Variants in PMM2 observed in about 807,000 individuals in gnomAD.
The protein encoded by PMM2 is phosphomannomutase 2.
PMM2 carries 35 observed loss-of-function variants against 33.2 expected under a neutral mutation model. The ratio of observed to expected loss-of-function variants is 1.06; its 90% CI spans 0.81 to 1.40. The LOEUF (loss-of-function observed/expected upper bound fraction) is 1.40. Among genes scored for constraint, PMM2 ranks in the 40% most tolerant of loss-of-function variants. The pLI, the probability that PMM2 is intolerant of heterozygous loss-of-function variation, is 0.00. For missense variants in PMM2, 386 were observed against 306.0 expected (o/e 1.26, Z -1.95); for synonymous variants, 153 against 114.7 (o/e 1.33, Z -2.13).
At chr16:8,819,365 A>G (rs2060724494) in intron 7 of PMM2, among the ~76,000 whole-genome samples, 1 of 152,158 alleles carries the variant, frequency 6.6e-6, no homozygotes, top group Admixed American at 6.6e-5. Flanking sequence ...GGGCAAAGGA[A>G]TTTCTCTTTT....
At chr16:8,823,516 A>C (rs2060749806) in intron 7 of PMM2, among the ~76,000 whole-genome samples, 1 of 152,210 alleles carries the variant, frequency 6.6e-6, no homozygotes, top group Non-Finnish European at 1.5e-5. Context: ...GTTTACTTGC[A>C]AAATAAGTCA....
intron 2 of PMM2, chr16:8,802,281 C>A (rs562848817): frequency 3.2e-4 from 148 of 455,668 alleles, no homozygotes; most frequent in Non-Finnish European, 4.2e-4. Flanking sequence ...CTCCCCATCA[C>A]TGAAACAGAA....
intron 7 of PMM2, among the ~76,000 whole-genome samples, chr16:8,840,642 G>A (rs1227644792): frequency 2.0e-5 from 3 of 152,054 alleles, no homozygotes; most frequent in African/African-American, 7.2e-5. Flanking sequence ...GGGAAGTAGG[G>A]GAGAGTACTT....
At position 8,836,471 on chromosome 16, in the gene PMM2, G is replaced by A. The variant is rs1195739292; in HGVS notation, c.640-11253G>A. Among the ~76,000 whole-genome samples the A allele has an allele frequency of 9.2e-5, 14 of 152,122 alleles. No homozygotes were observed. The South Asian group carries it at 1.9e-3, about 20-fold the overall frequency. On this transcript the variant is annotated intron_variant, in intron 7 of 7. Coordinates refer to ENST00000268261, the MANE Select transcript of PMM2 (RefSeq NM_000303.3). ...GGCCCAGTGGCCAGATTTCCAGCACGTGTAGCAAGCTCCTGGGGGAGGAGG... is the reference window on the plus strand; with the variant it reads ...GGCCCAGTGGCCAGATTTCCAGCACATGTAGCAAGCTCCTGGGGGAGGAGG...
At chr16:8,816,918 T>C (rs1325139663) in intron 7 of PMM2, among the ~76,000 whole-genome samples, 1 of 152,014 alleles carries the variant, frequency 6.6e-6, no homozygotes, top group Non-Finnish European at 1.5e-5. Context: ...CCAAAATAAT[T>C]GAAATCAGGA....
At chr16:8,801,933 C>T (rs781644141) in intron 2 of PMM2, 23 bp downstream of exon 2, 22 of 1,443,514 alleles carry the variant, frequency 1.5e-5, no homozygotes, top group Non-Finnish European at 2.1e-5. Context: ...TTGCTAATTA[C>T]ATCTGGTAAA....
At chr16:8,847,604 A>T in intron 7 of PMM2, 120 bp from the exon 8 acceptor site, 1 of 749,998 alleles carries the variant, frequency 1.3e-6, no homozygotes, top group Non-Finnish European at 2.4e-6. Flanking sequence ...AGGTAGCTGA[A>T]GAAACTCTCC....
intron 7 of PMM2, among the ~76,000 whole-genome samples, chr16:8,813,857 CTTTTTTTTTTTTTTTT>C (rs148507269): frequency 4.5e-5 from 4 of 89,138 alleles, no homozygotes; most frequent in Non-Finnish European, 8.7e-5. Flanking sequence ...TTTTCTTTCT[CTTTTTTTTTTTTTTTT>C]TTTTTTTTTC....
intron 3 of PMM2, 129 bp from the exon 4 acceptor site, chr16:8,806,187 A>G (rs1242030748): frequency 1.4e-6 from 1 of 721,170 alleles, no homozygotes; most frequent in Non-Finnish European, 2.5e-6. Context: ...ACAGTGGGGC[A>G]TGTCACCATC....
chr16:8,798,604 T>G (rs1288765379), intron 1 of PMM2, among the ~76,000 whole-genome samples: 1 of 152,222 alleles, frequency 6.6e-6, no homozygotes, highest in Non-Finnish European at 1.5e-5. Context: ...ACTAGGGAGA[T>G]GGAGGAGCCC....
At chr16:8,843,467 G>T (rs1458553338) in intron 7 of PMM2, among the ~76,000 whole-genome samples, 1 of 151,866 alleles carries the variant, frequency 6.6e-6, no homozygotes, top group African/African-American at 2.4e-5. Context: ...GTCCCGCACA[G>T]ATGGGACACG....
At chr16:8,798,234 G>A (rs1259739767) in intron 1 of PMM2, among the ~76,000 whole-genome samples, 2 of 152,170 alleles carry the variant, frequency 1.3e-5, no homozygotes, top group African/African-American at 4.8e-5. Flanking sequence ...CTAGTGCTCG[G>A]GACTGATAGA....
intron 7 of PMM2, 70 bp downstream of exon 7, chr16:8,813,176 CT>C (rs1157425729): frequency 2.1e-5 from 20 of 960,752 alleles, no homozygotes; most frequent in African/African-American, 2.1e-4. Context: ...GACAACTGGG[CT>C]GTTTTTCCTG....
In PMM2 at chr16:8,804,745, GTTTT is replaced by G; in HGVS notation, c.179-18_179-15del. Reference sequence around the variant, plus strand: ...GGTTTTGATTCTTTGCATTCTAAGTGTTTTTTTGGTTTTGATTGTAGTGGTTGAA... The same window carrying G: ...GGTTTTGATTCTTTGCATTCTAAGTGTTTGGTTTTGATTGTAGTGGTTGAA... On this transcript the variant is annotated intron_variant, in intron 2 of 7. Coordinates refer to ENST00000268261, the MANE Select transcript of PMM2 (RefSeq NM_000303.3). The G allele has an allele frequency of 6.4e-7, 1 of 1,563,378 alleles. No homozygotes were observed. Among genetic ancestry groups the G allele is most frequent in the South Asian group, 1.1e-5 (1 of 90,042 alleles).
At chr16:8,813,263 C>T (rs2060688205) in intron 7 of PMM2, among the ~76,000 whole-genome samples, 157 bp downstream of exon 7, 1 of 152,166 alleles carries the variant, frequency 6.6e-6, no homozygotes, top group African/African-American at 2.4e-5. Flanking sequence ...GATTGAGCCA[C>T]CTTCCCCTCT....
intron 1 of PMM2, among the ~76,000 whole-genome samples, chr16:8,800,135 G>A (rs55844526): frequency 0.012 from 1,862 of 152,184 alleles, 15 homozygotes; most frequent in Non-Finnish European, 0.021. Context: ...GAGGCGGGTG[G>A]ATCACTTGAG....
chr16:8,824,090 G>C (rs1457013900), intron 7 of PMM2, among the ~76,000 whole-genome samples: 6 of 152,198 alleles, frequency 3.9e-5, no homozygotes, highest in African/African-American at 1.2e-4. Context: ...AAGGCAATAT[G>C]CTCTAAATTT....
intron 7 of PMM2, among the ~76,000 whole-genome samples, chr16:8,820,321 C>G (rs1313851680): frequency 6.6e-6 from 1 of 151,422 alleles, no homozygotes; most frequent in African/African-American, 2.4e-5. Flanking sequence ...GTGACAGTGA[C>G]CTCGTCAGCC....
chr16:8,847,332 C>T (rs889379799), intron 7 of PMM2, among the ~76,000 whole-genome samples: 1 of 151,570 alleles, frequency 6.6e-6, no homozygotes, highest in African/African-American at 2.4e-5. Context: ...GCCCTCTGCC[C>T]TCCTGACGCT....
Sources: gnomAD v4.1 joint callset for allele counts (sites outside exome capture counted in the v4.1 genomes callset) on GRCh38, gnomAD v4.1.1 for gene constraint, MANE v1.5 for transcripts, NCBI Gene and HGNC (gene_info 2026-07-23, HGNC 2026-07-21) for gene names.